The following RNLS variants were observed in gnomAD, a reference collection of about 807,000 sequenced individuals.
RNLS encodes renalase, FAD dependent amine oxidase.
In RNLS, 39 loss-of-function variants were observed where a neutral mutation model predicts 39.8. That is an observed-to-expected ratio of 0.98 (90% CI 0.76 to 1.28). The LOEUF is 1.28. Among genes scored for constraint, RNLS ranks in the 50% most tolerant of loss-of-function variants. RNLS has a pLI of 0.00. For missense variants in RNLS, 410 were observed against 413.3 expected, an observed-to-expected ratio of 0.99 and a Z score of 0.07; for synonymous variants, 147 against 150.7, an observed-to-expected ratio of 0.98 and a Z score of 0.18.
chr10:88,454,279 T>C (rs1304114229), intron 4 of RNLS, among the ~76,000 whole-genome samples: 2 of 152,194 alleles, frequency 1.3e-5, no homozygotes, highest in African/African-American at 4.8e-5. Context: ...ATTTGATAAT[T>C]AGGAGGCCTT....
At chr10:88,198,579 AGGTGATTGGATCAT>A in the RNLS span, among the ~76,000 whole-genome samples, 1 of 152,092 alleles carries the variant, frequency 6.6e-6, no homozygotes, top group East Asian at 1.9e-4. Context: ...GCCTGATGGG[AGGTGATTGGATCAT>A]GGTGATTGGA....
the RNLS span, among the ~76,000 whole-genome samples, chr10:88,237,172 TGTCA>T: frequency 6.6e-6 from 1 of 152,070 alleles, no homozygotes; most frequent in Non-Finnish European, 1.5e-5. Context: ...TACGTGAACA[TGTCA>T]GTAGTTAACA....
intron 6 of RNLS, among the ~76,000 whole-genome samples, chr10:88,300,963 G>A (rs139121875): frequency 1.2e-3 from 180 of 152,196 alleles, no homozygotes; most frequent in Admixed American, 2.0e-3. Context: ...AACATCCACC[G>A]TCCAATTTTA....
chr10:88,507,651 C>A (rs1174557201), intron 4 of RNLS, among the ~76,000 whole-genome samples: 1 of 152,068 alleles, frequency 6.6e-6, no homozygotes, highest in Non-Finnish European at 1.5e-5. Flanking sequence ...AAAGGATTAC[C>A]ACTATCAGGT....
intron 5 of RNLS, among the ~76,000 whole-genome samples, chr10:88,355,461 G>A (rs570109200): frequency 3.9e-5 from 6 of 152,286 alleles, no homozygotes; most frequent in African/African-American, 1.4e-4. Context: ...AGGTCTGTTG[G>A]AGTTTTCTGG....
the RNLS span, among the ~76,000 whole-genome samples, chr10:88,249,150 A>G: frequency 6.6e-6 from 1 of 152,354 alleles, no homozygotes; most frequent in South Asian, 2.1e-4. Flanking sequence ...CTGAAAGAGA[A>G]AGAAACAATT....
At chr10:88,567,953 C>T (rs920406721) in intron 4 of RNLS, among the ~76,000 whole-genome samples, 6 of 152,172 alleles carry the variant, frequency 3.9e-5, no homozygotes, top group East Asian at 1.9e-4. Flanking sequence ...AAGCTACAGG[C>T]ATATCAATAC....
intron 4 of RNLS, among the ~76,000 whole-genome samples, chr10:88,472,977 T>A (rs1310864562): frequency 6.6e-6 from 1 of 152,210 alleles, no homozygotes; most frequent in Non-Finnish European, 1.5e-5. Flanking sequence ...TAAGGCAATT[T>A]TGTTGTTTTG....
intron 4 of RNLS, among the ~76,000 whole-genome samples, chr10:88,468,670 T>C (rs761916765): frequency 2.0e-5 from 3 of 152,186 alleles, no homozygotes; most frequent in Non-Finnish European, 4.4e-5. Flanking sequence ...GGAAAACTCC[T>C]GCACTTACCT....
chr10:88,301,055 A>G (rs1489350927), intron 6 of RNLS, among the ~76,000 whole-genome samples: 3 of 152,192 alleles, frequency 2.0e-5, no homozygotes, highest in Non-Finnish European at 2.9e-5. Context: ...AGTTTTTTAT[A>G]AAGTATTTGC....
At chr10:88,332,025 G>A (rs372292927) in intron 5 of RNLS, among the ~76,000 whole-genome samples, 1 of 152,182 alleles carries the variant, frequency 6.6e-6, no homozygotes, top group Non-Finnish European at 1.5e-5. Context: ...AGCCAAAGGA[G>A]CACAAAGTAC....
chr10:88,311,335 A>G (rs1261175506), intron 6 of RNLS, among the ~76,000 whole-genome samples: 1 of 152,236 alleles, frequency 6.6e-6, no homozygotes, highest in East Asian at 1.9e-4. Context: ...TGAAAGAAAG[A>G]GTTAATATAT....
the RNLS span, among the ~76,000 whole-genome samples, chr10:88,261,413 C>T: frequency 6.6e-6 from 1 of 152,214 alleles, no homozygotes; most frequent in Non-Finnish European, 1.5e-5. Context: ...TTCATCCATG[C>T]TGTGTCCAAC....
At chr10:88,259,554 A>C in the RNLS span, among the ~76,000 whole-genome samples, 3 of 152,188 alleles carry the variant, frequency 2.0e-5, no homozygotes, top group Non-Finnish European at 4.4e-5. Flanking sequence ...CACATTTTCC[A>C]CACTTGTAAA....
intron 4 of RNLS, among the ~76,000 whole-genome samples, chr10:88,448,897 A>ATACATAGTGGTAC (rs1842198958): frequency 6.6e-6 from 1 of 152,204 alleles, no homozygotes. Flanking sequence ...AACTATGGCA[A>ATACATAGTGGTAC]AGACAAGAGC....
At chr10:88,458,878 A>C (rs956035273) in intron 4 of RNLS, among the ~76,000 whole-genome samples, 1 of 152,180 alleles carries the variant, frequency 6.6e-6, no homozygotes, top group Non-Finnish European at 1.5e-5. Flanking sequence ...ATTTCACAGA[A>C]AATACTAGAA....
At chr10:88,468,192 C>T (rs1191205271) in intron 4 of RNLS, among the ~76,000 whole-genome samples, 1 of 152,140 alleles carries the variant, frequency 6.6e-6, no homozygotes, top group Non-Finnish European at 1.5e-5. Context: ...ATTGCTTTTG[C>T]TCAGCACTCA....
At chr10:88,573,082 T>C (rs759730011) in intron 3 of RNLS, 21 bp from the exon 4 acceptor site, 7 of 1,610,342 alleles carry the variant, frequency 4.3e-6, no homozygotes, top group South Asian at 2.2e-5. Context: ...AGCAAAATCA[T>C]GTCCCCATTA....
intron 6 of RNLS, among the ~76,000 whole-genome samples, chr10:88,308,409 A>C (rs1318114875): frequency 1.3e-5 from 2 of 151,232 alleles, no homozygotes; most frequent in African/African-American, 4.9e-5. Context: ...AATATCCAGC[A>C]ACTATAAGGA....
Sources: allele counts gnomAD v4.1 joint callset (sites outside exome capture counted in the v4.1 genomes callset), GRCh38; gene constraint gnomAD v4.1.1; transcripts MANE v1.5; gene names NCBI Gene and HGNC (gene_info 2026-07-23, HGNC 2026-07-21).